Variants in ALK observed in about 807,000 individuals in gnomAD.
ALK encodes ALK tyrosine kinase receptor.
A neutral mutation model predicts 163.1 loss-of-function variants in ALK; 74 were observed. The ratio of observed to expected loss-of-function variants is 0.45; its 90% confidence interval spans 0.38 to 0.55. The LOEUF (loss-of-function observed/expected upper bound fraction) is 0.55, where lower values mean the gene tolerates loss of function less well. ALK is among the 20% of genes least tolerant of loss of function. ALK has a pLI of 0.00. For synonymous variants in ALK, 960 were observed against 843.2 expected, an observed-to-expected ratio of 1.14 and a Z score of -2.40; for missense variants, 2,063 against 2,105.3, an observed-to-expected ratio of 0.98 and a Z score of 0.39.
intron 12 of ALK, among the ~76,000 whole-genome samples, chr2:29,250,545 T>G (rs1664790358): frequency 1.3e-5 from 2 of 152,100 alleles, no homozygotes; most frequent in African/African-American, 2.4e-5. Context: ...ACCATTAGCT[T>G]CATTCAATGC....
chr2:29,421,897 T>C (rs1670025250), intron 4 of ALK, among the ~76,000 whole-genome samples: 1 of 151,662 alleles, frequency 6.6e-6, no homozygotes, highest in Non-Finnish European at 1.5e-5. Flanking sequence ...TGTAATATCT[T>C]GAGGAAGAAC....
Position 29,339,420 on chromosome 2 carries a change from T to A in ALK, c.1283-10939A>T, listed in dbSNP as rs542443939. Among the ~76,000 whole-genome samples the A allele has an allele frequency of 2.0e-5, 3 of 151,968 alleles. No homozygotes were observed. In the East Asian group the frequency reaches 5.8e-4, roughly 29 times the overall value. On this transcript the variant is annotated intron_variant, in intron 5 of 28. Coordinates refer to ENST00000389048, the MANE Select transcript of ALK (RefSeq NM_004304.5). ...CTGAGGCCAGTACGTCTCAAGAGGGTCACAGATGGTCACAGAGGGTTATGA... is the reference window on the plus strand; with the variant it reads ...CTGAGGCCAGTACGTCTCAAGAGGGACACAGATGGTCACAGAGGGTTATGA...
At chr2:29,569,300 GAGC>G (rs6146696) in intron 3 of ALK, among the ~76,000 whole-genome samples, 1 of 151,138 alleles carries the variant, frequency 6.6e-6, no homozygotes, top group Non-Finnish European at 1.5e-5. Context: ...GCTGCAGCAG[GAGC>G]AGCAGCAGCA....
chr2:29,720,095 G>A (rs1679379027), intron 1 of ALK, among the ~76,000 whole-genome samples: 1 of 152,036 alleles, frequency 6.6e-6, no homozygotes, highest in Admixed American at 6.5e-5. Flanking sequence ...CTTCCTGGAT[G>A]TGAGGAACCA....
intron 11 of ALK, 103 bp from the exon 12 acceptor site, chr2:29,251,370 C>A: frequency 8.1e-7 from 1 of 1,230,466 alleles, no homozygotes; most frequent in Non-Finnish European, 1.2e-6. Flanking sequence ...GGCCCCAAAC[C>A]CTCCATCCAA....
At chr2:29,836,961 T>C (rs1665578303) in intron 1 of ALK, among the ~76,000 whole-genome samples, 1 of 152,192 alleles carries the variant, frequency 6.6e-6, no homozygotes, top group African/African-American at 2.4e-5. Context: ...AACTAAAAAA[T>C]ATTCATATTA....
At chr2:29,478,685 G>A (rs1471380942) in intron 4 of ALK, among the ~76,000 whole-genome samples, 8 of 152,226 alleles carry the variant, frequency 5.3e-5, no homozygotes, top group East Asian at 1.9e-4. Context: ...TATCAACGAT[G>A]AGCATGGACA....
chr2:29,231,726 A>G (rs900589948), intron 15 of ALK, among the ~76,000 whole-genome samples: 15 of 152,136 alleles, frequency 9.9e-5, no homozygotes, highest in Non-Finnish European at 1.9e-4. Context: ...AAGGAATTGC[A>G]TTTTCTGTCT....
chr2:29,640,826 G>A (rs1208401521), intron 3 of ALK, among the ~76,000 whole-genome samples: 17 of 152,150 alleles, frequency 1.1e-4, no homozygotes, highest in Non-Finnish European at 2.9e-5. Context: ...TATGGAAGGG[G>A]TCCATATGGG....
intron 5 of ALK, among the ~76,000 whole-genome samples, chr2:29,377,297 A>T (rs889490636): frequency 2.6e-5 from 4 of 151,996 alleles, no homozygotes; most frequent in African/African-American, 9.7e-5. Context: ...CAACATGGTG[A>T]AACCCCGTCT....
chr2:29,777,813 C>T (rs2148348532), intron 1 of ALK, among the ~76,000 whole-genome samples: 1 of 152,274 alleles, frequency 6.6e-6, no homozygotes, highest in Admixed American at 6.5e-5. Context: ...AGTAAGGAGG[C>T]ACTAGAACCC....
At chr2:29,701,673 A>C (rs891783569) in intron 2 of ALK, among the ~76,000 whole-genome samples, 3 of 152,130 alleles carry the variant, frequency 2.0e-5, no homozygotes, top group African/African-American at 7.2e-5. Context: ...ACTTCTGTGA[A>C]GGCGTGTGGG....
At chr2:29,275,362 G>T in intron 10 of ALK, 40 bp downstream of exon 10, 2 of 1,611,630 alleles carry the variant, frequency 1.2e-6, no homozygotes, top group Non-Finnish European at 8.5e-7. Context: ...ATGGGCCATG[G>T]GGGTTGGGGG....
chr2:29,474,948 C>G (rs1573384863), intron 4 of ALK, among the ~76,000 whole-genome samples: 1 of 152,242 alleles, frequency 6.6e-6, no homozygotes, highest in African/African-American at 2.4e-5. Flanking sequence ...CTGGTCAGGG[C>G]CCAGGCACTG....
At chr2:29,299,536 C>G (rs998386669) in intron 8 of ALK, among the ~76,000 whole-genome samples, 11 of 152,178 alleles carry the variant, frequency 7.2e-5, no homozygotes, top group Non-Finnish European at 1.3e-4. Flanking sequence ...TTCCTATTCT[C>G]TAAGATGAGA....
At chr2:29,694,392 T>G (rs1358906572) in intron 3 of ALK, among the ~76,000 whole-genome samples, 1 of 152,190 alleles carries the variant, frequency 6.6e-6, no homozygotes, top group Non-Finnish European at 1.5e-5. Context: ...AAAATAAACA[T>G]GCAGGACACT....
intron 3 of ALK, among the ~76,000 whole-genome samples, chr2:29,547,008 G>A (rs771997480): frequency 3.3e-5 from 5 of 152,160 alleles, no homozygotes; most frequent in Non-Finnish European, 7.3e-5. Flanking sequence ...GCCACTCTGG[G>A]AGAGCTGCAT....
rs547528752 is a variant in ALK, at chr2:29,358,673, C to T, written c.1282+25059G>A. ...GATTTACTCTGCCTGCAAATGCCCA[C>T]CTTTCTGTACAGCATCTCATCTGCA... On this transcript the variant is annotated intron_variant, in intron 5 of 28. Transcript: ENST00000389048. Among the ~76,000 whole-genome samples the T allele has an allele frequency of 1.1e-4, 17 of 152,302 alleles. No homozygotes were observed. In the South Asian group the frequency reaches 3.3e-3, roughly 30 times the overall value.
At chr2:29,799,774 C>A (rs1462930712) in intron 1 of ALK, among the ~76,000 whole-genome samples, 1 of 152,066 alleles carries the variant, frequency 6.6e-6, no homozygotes, top group Non-Finnish European at 1.5e-5. Context: ...CATTAAAAAT[C>A]ATCATAAAGA....
Sources: gnomAD v4.1 joint callset for allele counts (sites outside exome capture counted in the v4.1 genomes callset) on GRCh38, gnomAD v4.1.1 for gene constraint, MANE v1.5 for transcripts, NCBI Gene and HGNC (gene_info 2026-07-23, HGNC 2026-07-21) for gene names.